TG: variants seen among roughly 807,000 people sequenced by gnomAD.
TG encodes thyroglobulin.
TG carries 270 observed loss-of-function variants against 324.7 expected under a neutral mutation model. The observed-to-expected ratio is 0.83, with a 90% CI of 0.75 to 0.92. The LOEUF is 0.92. TG is among the 40% of genes least tolerant of loss of function. The pLI, the probability that TG is intolerant of heterozygous loss-of-function variation, is 0.00. For synonymous variants in TG, 1,401 were observed against 1,327.0 expected, an observed-to-expected ratio of 1.06 and a Z score of -1.21; for missense variants, 3,591 against 3,456.4, an observed-to-expected ratio of 1.04 and a Z score of -0.98.
chr8:133,065,383 C>T (rs2703008), intron 41 of TG, among the ~76,000 whole-genome samples: 115,721 of 152,188 alleles, frequency 0.76, 44,200 homozygotes, highest in South Asian at 0.82. Flanking sequence ...TGCTCTAACT[C>T]GCCACCAGTG....
intron 35 of TG, chr8:133,002,489 C>T: frequency 3.3e-6 from 3 of 896,736 alleles, no homozygotes; most frequent in Non-Finnish European, 4.0e-6. Flanking sequence ...ACAATAAATT[C>T]AGACACAATT....
chr8:133,056,087 G>A (rs970577789), intron 41 of TG, among the ~76,000 whole-genome samples: 1 of 152,200 alleles, frequency 6.6e-6, no homozygotes, highest in African/African-American at 2.4e-5. Flanking sequence ...GGGCAGGGCA[G>A]GGCATGGCTG....
At chr8:133,059,258 A>C (rs1842015659) in intron 41 of TG, 2 of 398,496 alleles carry the variant, frequency 5.0e-6, no homozygotes, top group African/African-American at 4.1e-5. Flanking sequence ...AAGTGTTCCA[A>C]GGTGCCCCCT....
intron 35 of TG, among the ~76,000 whole-genome samples, chr8:132,986,793 A>G (rs1478813608): frequency 6.6e-6 from 1 of 152,190 alleles, no homozygotes; most frequent in Admixed American, 6.5e-5. Context: ...CTAGATTTAT[A>G]TTGCCAAATT....
chr8:133,077,229 A>G (rs1370950214), intron 41 of TG, among the ~76,000 whole-genome samples: 2 of 152,198 alleles, frequency 1.3e-5, no homozygotes, highest in Non-Finnish European at 2.9e-5. Flanking sequence ...AATCAGCCCT[A>G]AAGATGTTCA....
chr8:133,042,512 C>T (rs188669407), intron 41 of TG, among the ~76,000 whole-genome samples: 1 of 152,006 alleles, frequency 6.6e-6, no homozygotes, highest in Admixed American at 6.6e-5. Flanking sequence ...GGACTAGTGG[C>T]AATCCTGTGA....
chr8:133,126,174 T>C (rs896513627), intron 45 of TG, among the ~76,000 whole-genome samples: 1 of 152,194 alleles, frequency 6.6e-6, no homozygotes, highest in African/African-American at 2.4e-5. Flanking sequence ...GATCAGAGGG[T>C]TAAGCTGGAA....
At chr8:133,129,343 C>A (rs771453249) in intron 45 of TG, among the ~76,000 whole-genome samples, 3 of 152,210 alleles carry the variant, frequency 2.0e-5, no homozygotes, top group Non-Finnish European at 2.9e-5. Context: ...GGAGCTGCCT[C>A]ATACAAGTTC....
chr8:133,050,306 A>C (rs936391467), intron 41 of TG: 2 of 396,888 alleles, frequency 5.0e-6, no homozygotes, highest in African/African-American at 4.0e-5. Context: ...ATGTTGATTT[A>C]TGCTCTGCAG....
intron 45 of TG, among the ~76,000 whole-genome samples, chr8:133,129,316 G>T (rs981740652): frequency 3.3e-5 from 5 of 152,196 alleles, no homozygotes; most frequent in Non-Finnish European, 7.3e-5. Context: ...TTCTAAGGTC[G>T]CAGACAGTGG....
At chr8:132,988,236 G>A (rs1001200594) in intron 35 of TG, among the ~76,000 whole-genome samples, 2 of 152,162 alleles carry the variant, frequency 1.3e-5, no homozygotes, top group Non-Finnish European at 2.9e-5. Context: ...GGCAGGAAAA[G>A]CACCACAAAT....
chr8:133,119,840 G>A (rs1364635987), intron 45 of TG, among the ~76,000 whole-genome samples: 5 of 152,140 alleles, frequency 3.3e-5, no homozygotes, highest in African/African-American at 1.2e-4. Context: ...TCTAACACGC[G>A]GTCTCTCTGC....
intron 43 of TG, among the ~76,000 whole-genome samples, chr8:133,109,993 A>C (rs6984052): frequency 6.6e-6 from 1 of 152,146 alleles, no homozygotes; most frequent in Non-Finnish European, 1.5e-5. Context: ...CCACTCTCTC[A>C]AGTTTGTACA....
At chr8:132,904,952 GT>G (rs1284174987) in intron 16 of TG, among the ~76,000 whole-genome samples, 1 of 152,124 alleles carries the variant, frequency 6.6e-6, no homozygotes, top group Non-Finnish European at 1.5e-5. Flanking sequence ...TGATTTTTCT[GT>G]TTACTAGCTA....
At chr8:132,877,331 G>T (rs961742531) in intron 5 of TG, among the ~76,000 whole-genome samples, 1 of 151,894 alleles carries the variant, frequency 6.6e-6, no homozygotes, top group Non-Finnish European at 1.5e-5. Flanking sequence ...CTGGAGACGG[G>T]GTTCACTATG....
Position 132,962,442 on chromosome 8 carries a change from A to G in TG, c.5468-552A>G, listed in dbSNP as rs570362471. ...TATCAGAAATTTCTGATAAAGTGTT[A>G]GCTGATGAAAAATGAGGGACTTACA... On this transcript the variant is annotated intron_variant, in intron 28 of 47. Coordinates refer to ENST00000220616, the MANE Select transcript of TG (RefSeq NM_003235.5). 2.0e-5 allele frequency among the ~76,000 whole-genome samples: 3 copies of G among 152,318 alleles called. No individual in the cohort carries two copies. The East Asian group carries it at 5.8e-4, about 29-fold the overall frequency.
At chr8:132,952,021 C>G (rs1321172340) in intron 27 of TG, among the ~76,000 whole-genome samples, 1 of 152,190 alleles carries the variant, frequency 6.6e-6, no homozygotes. Context: ...CTCCACTAAA[C>G]TTGACTGGGG....
intron 10 of TG, 26 bp downstream of exon 10, chr8:132,888,594 AAT>A: frequency 3.4e-6 from 5 of 1,460,040 alleles, no homozygotes; most frequent in African/African-American, 1.7e-5. Context: ...TGAAGAGTTA[AAT>A]GTGTGTGTGT....
intron 22 of TG, among the ~76,000 whole-genome samples, chr8:132,926,821 C>T (rs1201204666): frequency 6.6e-6 from 1 of 152,200 alleles, no homozygotes; most frequent in Non-Finnish European, 1.5e-5. Context: ...GGACACAGAG[C>T]TGGTGGTGGC....
Sources: gnomAD v4.1 joint callset for allele counts (sites outside exome capture counted in the v4.1 genomes callset) on GRCh38, gnomAD v4.1.1 for gene constraint, MANE v1.5 for transcripts, NCBI Gene and HGNC (gene_info 2026-07-23, HGNC 2026-07-21) for gene names.